Variants in MOK observed in about 807,000 individuals in gnomAD.
MOK encodes MOK protein kinase.
MOK carries 59 observed loss-of-function variants against 54.2 expected under a neutral mutation model. The ratio of observed to expected loss-of-function variants is 1.09; its 90% CI spans 0.88 to 1.35. The LOEUF (loss-of-function observed/expected upper bound fraction) is 1.35. MOK is among the 40% of genes most tolerant of loss of function. The probability of loss-of-function intolerance (pLI) is 0.00; values close to 1 mark genes in which losing one functional copy is unlikely to be tolerated. For synonymous variants in MOK, 210 were observed against 202.7 expected, an observed-to-expected ratio of 1.04 and a Z score of -0.31; for missense variants, 517 against 526.2, an observed-to-expected ratio of 0.98 and a Z score of 0.17.
downstream of MOK, chr14:102,224,824 G>A: frequency 2.2e-6 from 1 of 455,922 alleles, no homozygotes; most frequent in Non-Finnish European, 4.4e-6. Context: ...AAGACACTAA[G>A]ACTTGCTGTT....
chr14:102,234,936 C>G (rs886467961), intron 7 of MOK: 1 of 152,432 alleles, frequency 6.6e-6, no homozygotes, highest in African/African-American at 2.4e-5. Context: ...ATTCTCCTCG[C>G]CTGCTCCAAA....
At chr14:102,277,849 T>C (rs1254583230) in intron 2 of MOK, among the ~76,000 whole-genome samples, 1 of 152,170 alleles carries the variant, frequency 6.6e-6, no homozygotes, top group Admixed American at 6.6e-5. Flanking sequence ...AATGTGCACT[T>C]CAAGATATAC....
downstream of MOK, chr14:102,226,279 G>A (rs946433015): frequency 1.7e-5 from 12 of 698,142 alleles, no homozygotes; most frequent in East Asian, 3.2e-4. This position sits in a 1 kb window ranked among gnomAD's most constrained non-coding sequence, Gnocchi z 4.8. Context: ...GTGGATGAGG[G>A]TAGGCTCACA....
At chr14:102,234,379 G>A (rs770393398) in intron 7 of MOK, among the ~76,000 whole-genome samples, 1 of 151,614 alleles carries the variant, frequency 6.6e-6, no homozygotes, top group Non-Finnish European at 1.5e-5. Flanking sequence ...CAAAGCCTCC[G>A]CCAGGGTGAG....
chr14:102,253,418 G>A lies in MOK; in HGVS notation c.284-1423C>T, dbSNP rs542306164. 2.0e-5 allele frequency among the ~76,000 whole-genome samples: 3 copies of A among 152,362 alleles called. No individual in the cohort carries two copies. In the South Asian group the frequency reaches 6.2e-4, roughly 32 times the overall value. On this transcript the variant is annotated intron_variant, in intron 4 of 11. Coordinates refer to ENST00000361847, the MANE Select transcript of MOK (RefSeq NM_014226.3). ...AGGCCTTCCAGGACGCTGTCCTTCA[G>A]CCTACACTGATTATGAAAATGTTAG... is the stretch of plus-strand genomic sequence containing the variant.
rs957257700 is a variant in MOK at position 102,231,541 on chromosome 14, T to C, written c.981+166A>G. The stretch of plus-strand genomic sequence containing the variant: ...GCAAATAGAACTGGGGTCCCTGATG[T>C]CCCAACACATGGAGCCATCAACTCG... On this transcript the variant is annotated intron_variant, in intron 10 of 11. Coordinates refer to ENST00000361847, the MANE Select transcript of MOK (RefSeq NM_014226.3). This position sits in a 1 kb window ranked among gnomAD's most constrained non-coding sequence, Gnocchi z 4.4. 4.9e-6 allele frequency: 3 copies of C among 610,760 alleles called. No individual in the cohort carries two copies. Among genetic ancestry groups the C allele is most frequent in the Non-Finnish European group, 8.8e-6 (3 of 339,952 alleles). The allele number at this position is 610,760 out of a possible 1,614,324, so 37.8% of individuals were successfully genotyped here. A position where few individuals can be genotyped will look rare whatever the true frequency, so the allele number is the denominator to read the frequency against.
chr14:102,294,901 C>G (rs1292231437), intron 1 of MOK, among the ~76,000 whole-genome samples: 1 of 152,136 alleles, frequency 6.6e-6, no homozygotes, highest in African/African-American at 2.4e-5. Context: ...CTGGAGGTGT[C>G]TGTTGGTAGA....
the MOK span, among the ~76,000 whole-genome samples, chr14:102,216,542 CTA>C: frequency 2.0e-5 from 3 of 152,186 alleles, no homozygotes; most frequent in Admixed American, 2.0e-4. Context: ...GCCCTAAAGA[CTA>C]TTAAGTTGAC....
At chr14:102,271,357 T>C (rs1023653127) in intron 2 of MOK, among the ~76,000 whole-genome samples, 1 of 152,160 alleles carries the variant, frequency 6.6e-6, no homozygotes, top group Non-Finnish European at 1.5e-5. Flanking sequence ...TTTTTATCAC[T>C]ACGAATGATG....
intron 6 of MOK, chr14:102,251,401 G>T: frequency 2.5e-6 from 1 of 396,290 alleles, no homozygotes; most frequent in Non-Finnish European, 4.8e-6. Context: ...CAAATTGTAC[G>T]GTTTAAACAC....
chr14:102,254,635 TG>T (rs771832359), intron 4 of MOK, among the ~76,000 whole-genome samples: 12 of 151,750 alleles, frequency 7.9e-5, no homozygotes, highest in Non-Finnish European at 1.6e-4. Flanking sequence ...CTCCCACGAG[TG>T]GGTTGCTAAG....
In MOK at chr14:102,245,270, CT is replaced by C. The variant is rs1379325234; in HGVS notation, c.590+5541del. Among the ~76,000 whole-genome samples the C allele has an allele frequency of 6.6e-6, 1 of 152,140 alleles. No homozygotes were observed. Among genetic ancestry groups the C allele is most frequent in the Admixed American group, 6.5e-5 (1 of 15,280 alleles). ...CCCACTCCAGGTTCCCACGCCACCC[CT>C]AATCCCACTCGAAGCAGCCCTGAGA... On this transcript the variant is annotated intron_variant, in intron 7 of 11. Coordinates refer to ENST00000361847, the MANE Select transcript of MOK (RefSeq NM_014226.3). The surrounding 1 kb of genome is among the most constrained non-coding windows in gnomAD (Gnocchi z 4.3).
the MOK span, chr14:102,214,623 A>G: frequency 1.0e-6 from 1 of 985,200 alleles, no homozygotes; most frequent in South Asian, 4.7e-5. Flanking sequence ...AGTTTATTAG[A>G]GATTGTTATG....
chr14:102,297,329 G>C (rs2071541932), intron 1 of MOK, among the ~76,000 whole-genome samples: 1 of 152,172 alleles, frequency 6.6e-6, no homozygotes, highest in Non-Finnish European at 1.5e-5. Flanking sequence ...CTGCACTCCA[G>C]CCTGGTCCAC....
intron 1 of MOK, among the ~76,000 whole-genome samples, chr14:102,293,261 T>C (rs150758223): frequency 6.9e-4 from 105 of 152,290 alleles, no homozygotes; most frequent in African/African-American, 2.4e-3. Flanking sequence ...AACTATGAAA[T>C]AGCCACAGAC....
intron 1 of MOK, among the ~76,000 whole-genome samples, chr14:102,299,022 A>T (rs970049303): frequency 6.6e-6 from 1 of 151,996 alleles, no homozygotes; most frequent in African/African-American, 2.4e-5. Context: ...GAAGGAACAA[A>T]CTCCAGACAC....
chr14:102,229,900 C>T, intron 10 of MOK: 2 of 507,740 alleles, frequency 3.9e-6, no homozygotes, highest in Non-Finnish European at 6.9e-6. Flanking sequence ...CTGAGCAGTG[C>T]GGGCGGCAAA....
chr14:102,255,908 T>C (rs1409348504), intron 4 of MOK, among the ~76,000 whole-genome samples: 1 of 152,132 alleles, frequency 6.6e-6, no homozygotes. Flanking sequence ...AGGAATGTCA[T>C]ATATGATACT....
intron 2 of MOK, among the ~76,000 whole-genome samples, chr14:102,275,999 T>C (rs938936865): frequency 9.2e-5 from 14 of 152,196 alleles, no homozygotes; most frequent in Non-Finnish European, 1.8e-4. Context: ...AATTCATAAA[T>C]GAAGATACAT....
Sources: allele counts gnomAD v4.1 joint callset (sites outside exome capture counted in the v4.1 genomes callset), GRCh38; gene constraint gnomAD v4.1.1; non-coding constraint Gnocchi (gnomAD v3.1); transcripts MANE v1.5; gene names NCBI Gene and HGNC (gene_info 2026-07-23, HGNC 2026-07-21).